The following ZNF575 variants were observed in gnomAD, a reference collection of about 807,000 sequenced individuals.
ZNF575 encodes the protein zinc finger protein 575.
Under a neutral mutation model 17.5 loss-of-function variants are expected in ZNF575, and 17 were observed. The ratio of observed to expected loss-of-function variants is 0.97; its 90% CI spans 0.66 to 1.45. The LOEUF (loss-of-function observed/expected upper bound fraction) is 1.45, where lower values mean the gene tolerates loss of function less well. ZNF575 is among the 40% of genes most tolerant of loss of function. The pLI, the probability that ZNF575 is intolerant of heterozygous loss-of-function variation, is 0.00. For missense variants in ZNF575, 352 were observed against 359.2 expected, an observed-to-expected ratio of 0.98 and a Z score of 0.16; for synonymous variants, 146 against 158.3, an observed-to-expected ratio of 0.92 and a Z score of 0.58.
intron 2 of ZNF575, 145 bp from the exon 3 acceptor site, chr19:43,534,192 G>C (rs1329964338): frequency 1.9e-6 from 1 of 535,422 alleles, no homozygotes; most frequent in Admixed American, 3.8e-5. Context: ...CCTGGGTTTA[G>C]ATAGCGAAGG....
At chr19:43,534,165 T>G in intron 2 of ZNF575, 172 bp from the exon 3 acceptor site, 1 of 519,248 alleles carries the variant, frequency 1.9e-6, no homozygotes, top group Non-Finnish European at 3.4e-6. Flanking sequence ...CCGCCCACTC[T>G]GCTGAAAGAC....
In ZNF575 at chr19:43,534,054, T is replaced by C. The variant is rs146940698; in HGVS notation, c.-87+152T>C. Reference sequence around the variant, plus strand: ...GACTTTTTTTGTACAGCCCCGCCCATTCCAGGACTGCAGGGTCTGGTGGGG... The same window carrying C: ...GACTTTTTTTGTACAGCCCCGCCCACTCCAGGACTGCAGGGTCTGGTGGGG... On this transcript the variant is annotated intron_variant, in intron 2 of 3. Coordinates refer to ENST00000314228, the MANE Select transcript of ZNF575 (RefSeq NM_174945.3). 790 of 300,430 alleles carry C rather than the reference T, an allele frequency of 2.6e-3. 4 individuals are homozygous for C. The highest frequency in any genetic ancestry group is 0.017 in the African/African-American group (747 of 44,924). The allele number at this position is 300,430 out of a possible 1,614,324, so 18.6% of individuals were successfully genotyped here.
chr19:43,533,068 A>G (rs1972362009), upstream of ZNF575: 1 of 152,212 alleles, frequency 6.6e-6, no homozygotes, highest in Admixed American at 6.6e-5. Context: ...GGGACATTAA[A>G]AAGACGGGTG....
rs774614626 is a variant in ZNF575 at position 43,535,576 on chromosome 19, G to C, written c.627G>C (p.Ala209=). ...HDPPTAPGSQ[A]TAWHRCSSCG... is the part of the protein sequence containing the mutation. ...CCCCAACCGCGCCCGGCAGCCAGGC[G>C]ACTGCCTGGCACCGATGCTCCAGCT... The change falls in exon 4 of 4, where the codon GCG becomes GCC. Residue 209 remains alanine (A), a synonymous_variant. Transcript: ENST00000314228. 1.2e-6 allele frequency: 2 copies of C among 1,613,828 alleles called. No homozygotes were observed. Among genetic ancestry groups the C allele is most frequent in the Middle Eastern group, 1.6e-4 (1 of 6,062 alleles).
rs749029388 is a variant in ZNF575, at chr19:43,534,397, T to C, written c.-26T>C. The C allele has an allele frequency of 7.1e-6, 11 of 1,545,800 alleles. 1 individual carries two copies. In the South Asian group the frequency reaches 1.2e-4, roughly 17 times the overall value. On this transcript the variant is annotated 5_prime_UTR_variant, in exon 3 of 4. Transcript: ENST00000314228. ...CCGGCGTCACCCCCGCCCCGCGCCC[T>C]GCCCCTAGGTTCCTGTGCCAGCAAG...
chr19:43,535,227 G>A lies in ZNF575; in HGVS notation c.278G>A (p.Cys93Tyr). ...LAHGGARPHP[C>Y]PDCPKAFSYP... ...CACGGAGGCGCCCGACCCCACCCAT[G>A]CCCAGACTGCCCCAAGGCCTTCTCC... The change falls in exon 4 of 4, where the codon TGC (cysteine) becomes TAC (tyrosine). Residue 93 changes from cysteine (C) to tyrosine (Y), a missense_variant. By Grantham distance (194) the Cys-to-Tyr change is radical. Coordinates refer to ENST00000314228, the MANE Select transcript of ZNF575 (RefSeq NM_174945.3). The A allele has an allele frequency of 6.2e-7, 1 of 1,611,372 alleles. No homozygotes were observed. The highest frequency in any genetic ancestry group is 8.5e-7 in the Non-Finnish European group (1 of 1,178,962).
chr19:43,534,012 G>A (rs944378789), intron 2 of ZNF575, 110 bp downstream of exon 2: 1 of 192,354 alleles, frequency 5.2e-6, no homozygotes, highest in Non-Finnish European at 1.1e-5. Context: ...CGCCCCCTGG[G>A]TCTAGTTTCA....
Position 43,535,553 on chromosome 19 carries a change from C to CT in ZNF575, c.604_605insT (p.Pro202LeufsTer67), listed in dbSNP as rs768454740. The CT allele has an allele frequency of 6.2e-7, 1 of 1,613,952 alleles. No homozygotes were observed. Among genetic ancestry groups the CT allele is most frequent in the East Asian group, 2.2e-5 (1 of 44,868 alleles). On this transcript the variant is annotated frameshift_variant, in exon 4 of 4. Transcript: ENST00000314228. LOFTEE classifies it high-confidence loss of function. Reference sequence around the variant, plus strand: ...CGCCCATCGCCTATGTCACGACCCCCCAACCGCGCCCGGCAGCCAGGCGAC... The same window carrying CT: ...CGCCCATCGCCTATGTCACGACCCCCTCAACCGCGCCCGGCAGCCAGGCGAC...
At chr19:43,531,144 A>T (rs1448949784), upstream of ZNF575, among the ~76,000 whole-genome samples, 1 of 147,660 alleles carries the variant, frequency 6.8e-6, no homozygotes, top group Non-Finnish European at 1.5e-5. Flanking sequence ...AAAAAAAATT[A>T]GCCAGGCGTG....
In ZNF575 at chr19:43,534,319, T is replaced by C. The variant is rs1270799074; in HGVS notation, c.-86-18T>C. 8.1e-6 allele frequency: 9 copies of C among 1,111,192 alleles called. No individual in the cohort carries two copies. The highest frequency in any genetic ancestry group is 7.8e-5 in the African/African-American group (5 of 63,996). The allele number at this position is 1,111,192 out of a possible 1,614,324, so 68.8% of individuals were successfully genotyped here. ...ACTTGCAGACCTTGCTCCTAAACAGTGTGATCCCTCATTTTAGGCCCTCCA... is the reference window on the plus strand; with the variant it reads ...ACTTGCAGACCTTGCTCCTAAACAGCGTGATCCCTCATTTTAGGCCCTCCA... On this transcript the variant is annotated intron_variant, in intron 2 of 3. Coordinates refer to ENST00000314228, the MANE Select transcript of ZNF575 (RefSeq NM_174945.3).
At chr19:43,533,058 G>A (rs1203736012), upstream of ZNF575, 1 of 152,084 alleles carries the variant, frequency 6.6e-6, no homozygotes, top group African/African-American at 2.4e-5. Flanking sequence ...GAAAAGAAGA[G>A]GGACATTAAA....
rs767597602 is a variant in ZNF575, at chr19:43,535,081, C to T, written c.132C>T (p.Thr44=). 1.2e-5 allele frequency: 18 copies of T among 1,491,374 alleles called. No individual in the cohort carries two copies. The highest frequency in any genetic ancestry group is 1.5e-5 in the African/African-American group (1 of 68,568). The allele number at this position is 1,491,374 out of a possible 1,614,324, so 92.4% of individuals were successfully genotyped here. A position where few individuals can be genotyped will look rare whatever the true frequency, so the allele number is the denominator to read the frequency against. ...CCAGCCAGTCAGCTCCAGGGCCCAC[C>T]GCGTCCGCGGGCTCGCCTCCCCGGC... The part of the protein sequence containing the change: ...QKPSQSAPGP[T]ASAGSPPRPR... Residue 44 remains threonine, a synonymous_variant, in exon 4 of 4, where the codon ACC becomes ACT. Transcript: ENST00000314228.
upstream of ZNF575, chr19:43,531,739 A>T: frequency 1.8e-6 from 1 of 563,958 alleles, no homozygotes; most frequent in Non-Finnish European, 3.2e-6. Context: ...GGAAGAGTGG[A>T]TGGGGGGTAA....
rs945904447 is a variant in ZNF575, at chr19:43,534,508, G to A, written c.79+7G>A. ...GAACCAGTGACCAAAGAAGGTGAGA[G>A]TGCCCCGCCTGTGAGTAGGGAGCAT... On this transcript the variant is annotated splice_region_variant and intron_variant, in intron 3 of 3. Coordinates refer to ENST00000314228, the MANE Select transcript of ZNF575 (RefSeq NM_174945.3). 3.5e-6 allele frequency: 5 copies of A among 1,439,170 alleles called. No homozygotes were observed. Among genetic ancestry groups the A allele is most frequent in the African/African-American group, 1.5e-5 (1 of 67,932 alleles). The allele number at this position is 1,439,170 out of a possible 1,614,324, so 89.2% of individuals were successfully genotyped here.
Position 43,534,415 on chromosome 19 carries a change from C to T in ZNF575, c.-8C>T, listed in dbSNP as rs1434489839. On this transcript the variant is annotated 5_prime_UTR_variant, in exon 3 of 4. Transcript: ENST00000314228. ...CGCGCCCTGCCCCTAGGTTCCTGTG[C>T]CAGCAAGATGCTGGAGCGAGGCGCG... is the stretch of plus-strand genomic sequence containing the variant. 6.4e-7 allele frequency: 1 copy of T among 1,557,640 alleles called. No homozygotes were observed.
rs772777883 is a variant in ZNF575, at chr19:43,535,606, C to G, written c.657C>G (p.Gly219=). 2.2e-5 allele frequency: 35 copies of G among 1,613,654 alleles called. No individual in the cohort carries two copies. The highest frequency in any genetic ancestry group is 3.3e-5 in the Admixed American group (2 of 59,990). ...ATAWHRCSSC[G]QAFGQRRLLL... The stretch of plus-strand genomic sequence containing the variant: ...CCTGGCACCGATGCTCCAGCTGCGG[C>G]CAGGCCTTTGGCCAGAGACGCTTAC... Residue 219 remains glycine (G), a synonymous_variant, in exon 4 of 4, where the codon GGC becomes GGG. Coordinates refer to ENST00000314228, the MANE Select transcript of ZNF575 (RefSeq NM_174945.3).
In ZNF575 at chr19:43,535,890, C is replaced by G. The variant is rs1972414702; in HGVS notation, c.*203C>G. On this transcript the variant is annotated 3_prime_UTR_variant, in exon 4 of 4. Coordinates refer to ENST00000314228, the MANE Select transcript of ZNF575 (RefSeq NM_174945.3). ...CTTTGGGGAGATCTCAAACCATGGACGTGGAGCTGTGGTTTGACAGCGCTG... is the reference window on the plus strand; with the variant it reads ...CTTTGGGGAGATCTCAAACCATGGAGGTGGAGCTGTGGTTTGACAGCGCTG... 3.2e-6 allele frequency: 2 copies of G among 621,348 alleles called. No homozygotes were observed. The highest frequency in any genetic ancestry group is 2.1e-5 in the South Asian group (1 of 48,126). 38.5% of individuals were successfully genotyped at this position (621,348 alleles called of 1,614,324 possible).
At chr19:43,532,033 T>A (rs780105203), upstream of ZNF575, among the ~76,000 whole-genome samples, 2 of 150,626 alleles carry the variant, frequency 1.3e-5, no homozygotes, top group African/African-American at 2.5e-5. Context: ...GGTTTTTGGT[T>A]TTTTTGTTTT....
upstream of ZNF575, chr19:43,531,959 T>C (rs1003581865): frequency 1.6e-5 from 8 of 504,110 alleles, no homozygotes; most frequent in African/African-American, 1.6e-4. Context: ...TTTTTTTTTT[T>C]TTTTTTTTTT....
Sources: gnomAD v4.1 joint callset for allele counts (sites outside exome capture counted in the v4.1 genomes callset) on GRCh38, gnomAD v4.1.1 for gene constraint, MANE v1.5 for transcripts, NCBI Gene and HGNC (gene_info 2026-07-23, HGNC 2026-07-21) for gene names.